Variants in CPQ observed in about 807,000 individuals in gnomAD.
CPQ encodes the protein carboxypeptidase Q, also known as Ser-Met dipeptidase.
Under a neutral mutation model 45.7 loss-of-function variants are expected in CPQ, and 37 were observed. The ratio of observed to expected loss-of-function variants is 0.81; its 90% CI spans 0.62 to 1.07. CPQ has a LOEUF of 1.07. CPQ is among the 50% of genes least tolerant of loss of function. The pLI, the probability that CPQ is intolerant of heterozygous loss-of-function variation, is 0.00. For synonymous variants in CPQ, 186 were observed against 205.8 expected, an observed-to-expected ratio of 0.90 and a Z score of 0.82; for missense variants, 537 against 572.9, an observed-to-expected ratio of 0.94 and a Z score of 0.64.
intron 7 of CPQ, among the ~76,000 whole-genome samples, chr8:97,085,860 A>ATCTT (rs1180018511): frequency 2.0e-5 from 3 of 152,184 alleles, no homozygotes; most frequent in Non-Finnish European, 2.9e-5. Context: ...GTGTTTCTTA[A>ATCTT]TCTTTAAATA....
chr8:96,951,138 A>G (rs1025035591), intron 4 of CPQ, among the ~76,000 whole-genome samples: 1 of 152,002 alleles, frequency 6.6e-6, no homozygotes, highest in Non-Finnish European at 1.5e-5. Context: ...CTGCACTAAA[A>G]TTTGTCTGTA....
At chr8:96,795,175 C>G (rs1810912489) in intron 2 of CPQ, among the ~76,000 whole-genome samples, 2 of 152,142 alleles carry the variant, frequency 1.3e-5, no homozygotes, top group Admixed American at 6.5e-5. Flanking sequence ...GGGCAATTTA[C>G]AAAAGAAAGA....
intron 4 of CPQ, among the ~76,000 whole-genome samples, chr8:96,899,267 G>A (rs543297355): frequency 1.3e-5 from 2 of 152,266 alleles, no homozygotes; most frequent in Admixed American, 1.3e-4. Flanking sequence ...CATAGGTACA[G>A]CCACATACAT....
intron 4 of CPQ, among the ~76,000 whole-genome samples, chr8:96,890,810 C>G (rs1812363050): frequency 6.6e-6 from 1 of 152,128 alleles, no homozygotes; most frequent in South Asian, 2.1e-4. Context: ...GTAGCAGGAA[C>G]AGAAAACAAG....
chr8:96,861,162 TA>T (rs763597742), intron 3 of CPQ, among the ~76,000 whole-genome samples: 14 of 152,146 alleles, frequency 9.2e-5, no homozygotes, highest in South Asian at 2.1e-4. Flanking sequence ...CTACATCATA[TA>T]AATTGTCTAG....
At chr8:96,676,337 C>T (rs959636562) in intron 1 of CPQ, among the ~76,000 whole-genome samples, 6 of 152,002 alleles carry the variant, frequency 3.9e-5, no homozygotes, top group South Asian at 2.1e-4. Context: ...TTTTAGCTAC[C>T]ACATGTAAGT....
intron 7 of CPQ, among the ~76,000 whole-genome samples, chr8:97,127,025 G>T (rs968497501): frequency 1.3e-5 from 2 of 152,068 alleles, no homozygotes; most frequent in East Asian, 3.9e-4. Flanking sequence ...ACTCAAAATG[G>T]ATCATAAACC....
chr8:96,789,137 C>G (rs1398760099), intron 2 of CPQ, among the ~76,000 whole-genome samples: 1 of 151,820 alleles, frequency 6.6e-6, no homozygotes, highest in Non-Finnish European at 1.5e-5. Context: ...TACATCTGGG[C>G]CCCCTAAAAG....
chr8:96,658,937 A>G (rs897349262), intron 1 of CPQ, among the ~76,000 whole-genome samples: 5 of 152,260 alleles, frequency 3.3e-5, no homozygotes, highest in East Asian at 1.9e-4. Context: ...CTTCTGACCT[A>G]AAGAACTGCA....
chr8:96,990,109 G>T (rs141701474), intron 5 of CPQ, among the ~76,000 whole-genome samples: 1 of 151,984 alleles, frequency 6.6e-6, no homozygotes, highest in South Asian at 2.1e-4. Flanking sequence ...TGCACAGAGT[G>T]CCCTTCTCCT....
At chr8:96,988,480 T>C (rs1306424344) in intron 5 of CPQ, among the ~76,000 whole-genome samples, 2 of 152,222 alleles carry the variant, frequency 1.3e-5, no homozygotes, top group Non-Finnish European at 2.9e-5. Flanking sequence ...TAAATGTTTT[T>C]TTATTTCTCT....
At chr8:96,684,524 T>C (rs947273890) in intron 1 of CPQ, among the ~76,000 whole-genome samples, 3 of 152,062 alleles carry the variant, frequency 2.0e-5, no homozygotes, top group Admixed American at 1.3e-4. Flanking sequence ...CACAGTATGC[T>C]CGGGTGCAAG....
chr8:97,067,046 C>T (rs1810650162), intron 7 of CPQ, among the ~76,000 whole-genome samples: 2 of 151,240 alleles, frequency 1.3e-5, no homozygotes, highest in Admixed American at 1.3e-4. Flanking sequence ...CCTGTCTCAG[C>T]CTCCCGAGTA....
rs184614709 is a variant in CPQ, at chr8:97,002,282, G to T, written c.962-27121G>T. ...CTCCTTCAATTCAGCTCAGATTTTG[G>T]TTATTTCTTGTCTTCTGCTACCTTT... On this transcript the variant is annotated intron_variant, in intron 5 of 7. Coordinates refer to ENST00000220763, the MANE Select transcript of CPQ (RefSeq NM_016134.4). Among the ~76,000 whole-genome samples the T allele has an allele frequency of 1.1e-4, 16 of 152,028 alleles. No individual in the cohort carries two copies. The East Asian group carries it at 2.9e-3, about 28-fold the overall frequency.
intron 7 of CPQ, among the ~76,000 whole-genome samples, chr8:97,070,469 T>G (rs1810720952): frequency 6.6e-6 from 1 of 152,192 alleles, no homozygotes; most frequent in African/African-American, 2.4e-5. Flanking sequence ...ATTTAAATTC[T>G]TATAAATCTG....
intron 6 of CPQ, among the ~76,000 whole-genome samples, chr8:97,045,317 C>T (rs962809111): frequency 5.9e-5 from 9 of 152,170 alleles, no homozygotes; most frequent in Admixed American, 1.3e-4. Context: ...TCTCCTGGTG[C>T]GCCATTTTTT....
At chr8:96,734,608 G>A (rs1182744157) in intron 1 of CPQ, among the ~76,000 whole-genome samples, 1 of 152,022 alleles carries the variant, frequency 6.6e-6, no homozygotes, top group Non-Finnish European at 1.5e-5. Flanking sequence ...CTACTCGGGA[G>A]GCTGAGGCAG....
At chr8:97,123,199 TAAAATAAAAAATAAAATAAAA>T (rs1811781794) in intron 7 of CPQ, among the ~76,000 whole-genome samples, 1 of 66,256 alleles carries the variant, frequency 1.5e-5, no homozygotes, top group Admixed American at 1.4e-4. Context: ...TAAAATAAAA[TAAAATAAAAAATAAAATAAAA>T]TAAAATAAAA....
At chr8:96,767,624 G>T (rs1260373066) in intron 1 of CPQ, among the ~76,000 whole-genome samples, 5 of 132,366 alleles carry the variant, frequency 3.8e-5, no homozygotes, top group Non-Finnish European at 6.5e-5. Context: ...CCTTTCAGCT[G>T]GTTACCTATG....
Sources: gnomAD v4.1 joint callset for allele counts (sites outside exome capture counted in the v4.1 genomes callset) on GRCh38, gnomAD v4.1.1 for gene constraint, MANE v1.5 for transcripts, NCBI Gene and HGNC (gene_info 2026-07-23, HGNC 2026-07-21) for gene names.